CSMD2: variants seen among roughly 807,000 people sequenced by gnomAD.
CSMD2 encodes CUB and Sushi multiple domains 2.
In CSMD2, 130 loss-of-function variants were observed where a neutral mutation model predicts 398.5. That is an observed-to-expected ratio of 0.33 (90% CI 0.28 to 0.38). CSMD2 has a LOEUF of 0.38. CSMD2 is among the 10% of genes least tolerant of loss of function. CSMD2 has a pLI of 1.00. For synonymous variants in CSMD2, 1,828 were observed against 1,908.5 expected, an observed-to-expected ratio of 0.96 and a Z score of 1.10; for missense variants, 3,829 against 4,764.9, an observed-to-expected ratio of 0.80 and a Z score of 5.78.
intron 5 of CSMD2, among the ~76,000 whole-genome samples, chr1:33,866,140 C>A (rs1640016118): frequency 6.6e-6 from 1 of 152,158 alleles, no homozygotes; most frequent in African/African-American, 2.4e-5. Context: ...TCTTTTAGAA[C>A]TGCATGAGCC....
chr1:33,633,261 G>T lies in CSMD2; in HGVS notation c.5200+161C>A, dbSNP rs775044312. ...AGGCCCCGCTAGTTGGAGCTCTCAC[G>T]AGCTGGCTGCTGCGTTGTAGACAAG... On this transcript the variant is annotated intron_variant, in intron 32 of 70. Transcript: ENST00000373381. This position sits in a 1 kb window ranked among gnomAD's most constrained non-coding sequence, Gnocchi z 5.0. 6.6e-6 allele frequency among the ~76,000 whole-genome samples: 1 copy of T among 152,198 alleles called. No individual in the cohort carries two copies. Among genetic ancestry groups the T allele is most frequent in the African/African-American group, 2.4e-5 (1 of 41,460 alleles).
chr1:33,778,882 G>C (rs893935659), intron 12 of CSMD2, among the ~76,000 whole-genome samples: 1 of 152,082 alleles, frequency 6.6e-6, no homozygotes, highest in Non-Finnish European at 1.5e-5. Context: ...AGCCTGGATT[G>C]CCCTGTCCTT....
At chr1:34,026,718 A>T (rs1027626171) in intron 3 of CSMD2, among the ~76,000 whole-genome samples, 8 of 152,232 alleles carry the variant, frequency 5.3e-5, no homozygotes, top group African/African-American at 1.9e-4. Flanking sequence ...CTCATGCAAC[A>T]GTTGGGAGTT....
chr1:33,939,654 A>G (rs948038922), intron 3 of CSMD2, among the ~76,000 whole-genome samples: 19 of 152,254 alleles, frequency 1.2e-4, no homozygotes, highest in African/African-American at 4.3e-4. Flanking sequence ...TTAAAAAGTC[A>G]CTCTCAAAAG....
At chr1:33,759,706 A>C (rs2149298376) in intron 13 of CSMD2, among the ~76,000 whole-genome samples, 2 of 152,238 alleles carry the variant, frequency 1.3e-5, no homozygotes, top group South Asian at 4.2e-4. Flanking sequence ...TCTGACTCAG[A>C]TCCCTCTTGG....
chr1:33,738,271 C>T (rs1389284990), intron 15 of CSMD2, among the ~76,000 whole-genome samples: 2 of 152,172 alleles, frequency 1.3e-5, no homozygotes, highest in African/African-American at 2.4e-5. Flanking sequence ...TCACAGCCTT[C>T]GTCTCCTTGG....
At chr1:34,073,287 C>T (rs1258494138) in intron 2 of CSMD2, among the ~76,000 whole-genome samples, 1 of 152,192 alleles carries the variant, frequency 6.6e-6, no homozygotes, top group Non-Finnish European at 1.5e-5. Flanking sequence ...TTGATAAAAT[C>T]CATAATGCCT....
intron 3 of CSMD2, among the ~76,000 whole-genome samples, chr1:33,982,650 C>T (rs1456128724): frequency 6.6e-6 from 1 of 152,164 alleles, no homozygotes; most frequent in Non-Finnish European, 1.5e-5. Flanking sequence ...GAAGAGACTC[C>T]TGGAATAGGT....
At chr1:33,631,714 G>A (rs981086415) in intron 32 of CSMD2, among the ~76,000 whole-genome samples, 2 of 152,134 alleles carry the variant, frequency 1.3e-5, no homozygotes, top group Non-Finnish European at 2.9e-5. Flanking sequence ...CAAATGGAGA[G>A]ACATATTGTA....
At chr1:34,095,502 T>C (rs1323686218) in intron 1 of CSMD2, among the ~76,000 whole-genome samples, 7 of 150,962 alleles carry the variant, frequency 4.6e-5, no homozygotes, top group African/African-American at 1.5e-4. Flanking sequence ...ACAAAATAGA[T>C]AGACCGCTAG....
intron 1 of CSMD2, among the ~76,000 whole-genome samples, chr1:34,121,239 G>A (rs949272752): frequency 6.6e-6 from 1 of 152,190 alleles, no homozygotes; most frequent in Non-Finnish European, 1.5e-5. Flanking sequence ...AAGAGGAGAG[G>A]GAGGAAGACA....
intron 25 of CSMD2, among the ~76,000 whole-genome samples, chr1:33,691,196 T>C (rs1398628330): frequency 6.6e-6 from 1 of 151,890 alleles, no homozygotes; most frequent in Non-Finnish European, 1.5e-5. Context: ...AAGTGGAAAA[T>C]AAGGTTGGGG....
Position 34,039,624 on chromosome 1 carries a change from G to A in CSMD2, c.405-6918C>T, listed in dbSNP as rs114204578. Among the ~76,000 whole-genome samples, 210 of 152,312 alleles carry A rather than the reference G, an allele frequency of 1.4e-3. 1 individual carries two copies. The highest frequency in any genetic ancestry group is 4.9e-3 in the African/African-American group (202 of 41,576). On this transcript the variant is annotated intron_variant, in intron 2 of 70. Transcript: ENST00000373381. ...ATGCAGGGCCACAAGCATGTCAGAA[G>A]CTCCAGCGTCAGTGACAAGGCAGAA... is the stretch of plus-strand genomic sequence containing the variant.
At chr1:33,785,096 C>T (rs1653357887) in intron 12 of CSMD2, among the ~76,000 whole-genome samples, 1 of 152,344 alleles carries the variant, frequency 6.6e-6, no homozygotes, top group South Asian at 2.1e-4. Flanking sequence ...AAGGAGAAGT[C>T]CTGCTGACAC....
At chr1:33,907,513 G>A (rs1039466282) in intron 5 of CSMD2, among the ~76,000 whole-genome samples, 2 of 152,066 alleles carry the variant, frequency 1.3e-5, no homozygotes, top group African/African-American at 4.8e-5. Flanking sequence ...AATGAATGGG[G>A]AGAGAAGACT....
At chr1:34,056,802 C>T (rs992236712) in intron 2 of CSMD2, among the ~76,000 whole-genome samples, 2 of 152,106 alleles carry the variant, frequency 1.3e-5, no homozygotes, top group Non-Finnish European at 2.9e-5. Flanking sequence ...GGAGTTGACC[C>T]TAAGAGCACA....
intron 3 of CSMD2, among the ~76,000 whole-genome samples, chr1:33,973,693 C>T (rs506546): frequency 0.52 from 79,056 of 152,064 alleles, 21,391 homozygotes; most frequent in African/African-American, 0.66. Flanking sequence ...TGCCCTTTAG[C>T]ACGTAAGAGC....
intron 5 of CSMD2, among the ~76,000 whole-genome samples, chr1:33,874,048 A>G (rs140504982): frequency 6.6e-6 from 1 of 152,326 alleles, no homozygotes; most frequent in East Asian, 1.9e-4. Flanking sequence ...GTGTGTTCCC[A>G]TAATAGCTTA....
At chr1:33,815,708 T>C (rs931549990) in intron 9 of CSMD2, among the ~76,000 whole-genome samples, 13 of 152,206 alleles carry the variant, frequency 8.5e-5, no homozygotes, top group Admixed American at 8.5e-4. Flanking sequence ...GCCACTTTAC[T>C]CATAAAGAAA....
Sources: gnomAD v4.1 joint callset for allele counts (sites outside exome capture counted in the v4.1 genomes callset) on GRCh38, gnomAD v4.1.1 for gene constraint, Gnocchi (gnomAD v3.1) non-coding constraint, MANE v1.5 for transcripts, NCBI Gene and HGNC (gene_info 2026-07-23, HGNC 2026-07-21) for gene names.